The following CLYBL variants were observed in gnomAD, a reference collection of about 807,000 sequenced individuals.
CLYBL encodes the protein citramalyl-CoA lyase, also known as citramalyl-CoA lyase, mitochondrial.
CLYBL carries 31 observed loss-of-function variants against 38.9 expected under a neutral mutation model. The ratio of observed to expected loss-of-function variants is 0.80; its 90% CI spans 0.60 to 1.08. CLYBL has a LOEUF of 1.08. CLYBL is among the 50% of genes least tolerant of loss of function. The pLI is 0.00. For synonymous variants in CLYBL, 171 were observed against 158.6 expected (o/e 1.08, Z -0.59); for missense variants, 434 against 411.6 (o/e 1.05, Z -0.47).
In CLYBL at chr13:99,781,480, T is replaced by C. The variant is rs1020069050; in HGVS notation, c.249+8470T>C. Among the ~76,000 whole-genome samples, 7 of 152,130 alleles carry C rather than the reference T, an allele frequency of 4.6e-5. No homozygotes were observed. The East Asian group carries it at 1.2e-3, about 25-fold the overall frequency. ...CCACTGCACCCAGCCAAATTTTTTA[T>C]TTTTTGAGACTGAGTTTTGCTCTTG... On this transcript the variant is annotated intron_variant, in intron 2 of 8. Transcript: ENST00000339105.
chr13:99,871,953 A>G (rs990644598), intron 7 of CLYBL, among the ~76,000 whole-genome samples: 2 of 151,126 alleles, frequency 1.3e-5, no homozygotes, highest in African/African-American at 4.9e-5. Flanking sequence ...AATATTGAAA[A>G]TTTATTACAG....
rs536159364 is a variant in CLYBL, at chr13:99,857,438, T to C, written c.250-1423T>C. Reference sequence around the variant, plus strand: ...GATGTGGAACCAAGCCATTGCTGGCTGCATCATCTCTGACTTTAGCTAGTC... The same window carrying C: ...GATGTGGAACCAAGCCATTGCTGGCCGCATCATCTCTGACTTTAGCTAGTC... On this transcript the variant is annotated intron_variant, in intron 2 of 8. Coordinates refer to ENST00000339105, the MANE Select transcript of CLYBL (RefSeq NM_206808.5). Among the ~76,000 whole-genome samples, 6 of 152,382 alleles carry C rather than the reference T, an allele frequency of 3.9e-5. No homozygotes were observed. In the South Asian group the frequency reaches 1.2e-3, roughly 32 times the overall value.
chr13:99,856,662 G>A (rs2051465896), intron 2 of CLYBL, among the ~76,000 whole-genome samples: 1 of 152,046 alleles, frequency 6.6e-6, no homozygotes, highest in Non-Finnish European at 1.5e-5. Flanking sequence ...CTTTTGAGAT[G>A]GAGTCTCGCT....
rs1284827314 is a variant in CLYBL, at chr13:99,870,950, T to C, written c.815T>C (p.Ile272Thr). The C allele has an allele frequency of 1.9e-6, 3 of 1,609,640 alleles. No individual in the cohort carries two copies. The highest frequency in any genetic ancestry group is 2.7e-5 in the African/African-American group (2 of 74,654). ...AAMGFTGKQV[I>T]HPNQIAVVQE... is the part of the protein sequence containing the mutation. ...AATATTCTTGTAGGTAAGCAGGTGA[T>C]TCACCCTAACCAAATTGCCGTGGTC... Residue 272 changes from isoleucine to threonine, a missense_variant, in exon 7 of 9, where the codon ATT (isoleucine) becomes ACT (threonine). Transcript: ENST00000339105.
chr13:99,660,232 A>G (rs79141255), intron 1 of CLYBL, among the ~76,000 whole-genome samples: 21,004 of 152,224 alleles, frequency 0.14, 1,504 homozygotes, highest in African/African-American at 0.18. Context: ...GTGTGTATCT[A>G]AAACATGAAA....
chr13:99,810,875 TG>T (rs993949764), intron 2 of CLYBL, among the ~76,000 whole-genome samples: 3 of 152,244 alleles, frequency 2.0e-5, no homozygotes, highest in African/African-American at 7.2e-5. Context: ...AAGGCAGAAG[TG>T]GGTTCTTTTT....
chr13:99,762,133 ATTG>A (rs2049178331), intron 1 of CLYBL, among the ~76,000 whole-genome samples: 1 of 151,454 alleles, frequency 6.6e-6, no homozygotes, highest in Admixed American at 6.6e-5. Context: ...CATTTTTTTT[ATTG>A]TTTCCTTTGC....
At chr13:99,826,124 G>A (rs1303554380) in intron 2 of CLYBL, among the ~76,000 whole-genome samples, 2 of 152,210 alleles carry the variant, frequency 1.3e-5, no homozygotes, top group Non-Finnish European at 2.9e-5. Context: ...AACTTAGATA[G>A]GCTATAGTAC....
At chr13:99,743,495 C>G (rs1325242557) in intron 1 of CLYBL, among the ~76,000 whole-genome samples, 1 of 152,206 alleles carries the variant, frequency 6.6e-6, no homozygotes, top group Non-Finnish European at 1.5e-5. Flanking sequence ...CTAAGGTATT[C>G]TGGCCATTCA....
Position 99,860,072 on chromosome 13 carries a change from C to T in CLYBL, c.438+1023C>T, listed in dbSNP as rs77231984. On this transcript the variant is annotated intron_variant, in intron 3 of 8. Coordinates refer to ENST00000339105, the MANE Select transcript of CLYBL (RefSeq NM_206808.5). The stretch of plus-strand genomic sequence containing the variant: ...GTGAGGTCTGCGTTGCCCAGTGCCA[C>T]GGCCACTATGACATGTGGCTTCTGA... Among the ~76,000 whole-genome samples, 290 of 152,242 alleles carry T rather than the reference C, an allele frequency of 1.9e-3. 1 individual carries two copies. The highest frequency in any genetic ancestry group is 6.0e-3 in the African/African-American group (250 of 41,524).
At chr13:99,771,533 C>G (rs2049395370) in intron 1 of CLYBL, among the ~76,000 whole-genome samples, 1 of 152,208 alleles carries the variant, frequency 6.6e-6, no homozygotes, top group African/African-American at 2.4e-5. Context: ...CCGGGCCCCG[C>G]AAATTGTATC....
At chr13:99,877,322 C>G (rs2052069819) in intron 7 of CLYBL, among the ~76,000 whole-genome samples, 1 of 152,162 alleles carries the variant, frequency 6.6e-6, no homozygotes, top group African/African-American at 2.4e-5. Context: ...CCTCTCTTTC[C>G]TCTTCCTGTA....
At chr13:99,770,316 T>C (rs2049359579) in intron 1 of CLYBL, among the ~76,000 whole-genome samples, 1 of 151,856 alleles carries the variant, frequency 6.6e-6, no homozygotes, top group Admixed American at 6.6e-5. Context: ...TCGAACTCTT[T>C]TTTTGTTTGT....
intron 1 of CLYBL, among the ~76,000 whole-genome samples, chr13:99,666,308 G>A (rs1211953389): frequency 6.6e-6 from 1 of 152,102 alleles, no homozygotes; most frequent in East Asian, 1.9e-4. Context: ...TCTCAGTAAG[G>A]GGCCAAGTGC....
rs910943541 is a variant in CLYBL, at chr13:99,782,291, G to T, written c.249+9281G>T. 2.0e-5 allele frequency among the ~76,000 whole-genome samples: 3 copies of T among 152,144 alleles called. No individual in the cohort carries two copies. The East Asian group carries it at 5.8e-4, about 29-fold the overall frequency. On this transcript the variant is annotated intron_variant, in intron 2 of 8. Coordinates refer to ENST00000339105, the MANE Select transcript of CLYBL (RefSeq NM_206808.5). ...GTAGGCCAAAGCAGGCAGATCACCT[G>T]AGGTCAGGAGTTTGAGATCAGCCTG...
At chr13:99,643,419 C>T (rs1375151293) in intron 1 of CLYBL, among the ~76,000 whole-genome samples, 1 of 152,154 alleles carries the variant, frequency 6.6e-6, no homozygotes, top group Non-Finnish European at 1.5e-5. Flanking sequence ...CTGCCAATAC[C>T]TGCATTTTCA....
intron 2 of CLYBL, among the ~76,000 whole-genome samples, chr13:99,853,759 A>G (rs1313792500): frequency 6.6e-6 from 1 of 152,212 alleles, no homozygotes; most frequent in African/African-American, 2.4e-5. Flanking sequence ...TCTATGTCCT[A>G]AGCAATGCTG....
At chr13:99,905,214 A>G (rs559601971) in intron 8 of CLYBL, among the ~76,000 whole-genome samples, 1 of 152,326 alleles carries the variant, frequency 6.6e-6, no homozygotes, top group African/African-American at 2.4e-5. Context: ...GGATCTTAAT[A>G]AGGCCAGGAC....
chr13:99,683,479 A>G (rs1183797940), intron 1 of CLYBL, among the ~76,000 whole-genome samples: 6 of 152,054 alleles, frequency 3.9e-5, no homozygotes, highest in East Asian at 1.9e-4. Flanking sequence ...CTCTTATTCT[A>G]TATGCTTTTT....
Sources: allele counts gnomAD v4.1 joint callset (sites outside exome capture counted in the v4.1 genomes callset), GRCh38; gene constraint gnomAD v4.1.1; transcripts MANE v1.5; gene names NCBI Gene and HGNC (gene_info 2026-07-23, HGNC 2026-07-21).